PCDHA8: variants seen among roughly 807,000 people sequenced by gnomAD.
The protein encoded by PCDHA8 is protocadherin alpha-8.
A neutral mutation model predicts 61.8 loss-of-function variants in PCDHA8; 53 were observed. The ratio of observed to expected loss-of-function variants is 0.86; its 90% CI spans 0.69 to 1.08. The LOEUF (loss-of-function observed/expected upper bound fraction) is 1.08, where lower values mean the gene tolerates loss of function less well. Ranked by LOEUF, PCDHA8 falls within the 50% of genes least tolerant of loss-of-function variation. The probability of loss-of-function intolerance (pLI) is 0.00; values close to 1 mark genes in which losing one functional copy is unlikely to be tolerated. For missense variants in PCDHA8, 1,293 were observed against 1,245.0 expected (o/e 1.04, Z -0.58); for synonymous variants, 618 against 556.6 (o/e 1.11, Z -1.55).
chr5:140,929,927 G>A (rs2086481303), intron 1 of PCDHA8: 1 of 152,202 alleles, frequency 6.6e-6, no homozygotes, highest in Non-Finnish European at 1.5e-5. Flanking sequence ...ATAAAAAACA[G>A]TGTATTCTCT....
chr5:140,984,726 A>C (rs549219216), intron 3 of PCDHA8, among the ~76,000 whole-genome samples: 51 of 152,276 alleles, frequency 3.3e-4, no homozygotes, highest in Non-Finnish European at 5.0e-4. Flanking sequence ...AAAGATTAAG[A>C]TTATGATTTA....
chr5:140,950,254 T>C (rs1554219388), intron 1 of PCDHA8, among the ~76,000 whole-genome samples: 1 of 152,040 alleles, frequency 6.6e-6, no homozygotes. Context: ...CCTAAAGAGC[T>C]GAGTTTATCC....
At chr5:140,876,968 T>C (rs782613091) in intron 1 of PCDHA8, 1 of 1,608,986 alleles carries the variant, frequency 6.2e-7, no homozygotes, top group Non-Finnish European at 8.5e-7. Context: ...GAGCGGCGGG[T>C]GGGCGAGCAC....
intron 1 of PCDHA8, chr5:140,870,971 T>TG (rs782370379): frequency 3.7e-6 from 6 of 1,613,594 alleles, no homozygotes; most frequent in Non-Finnish European, 5.1e-6. Context: ...CCGTTCCGCG[T>TG]GGGGCTGTAC....
chr5:140,882,199 G>A, intron 1 of PCDHA8: 1 of 1,526,968 alleles, frequency 6.5e-7, no homozygotes, highest in Non-Finnish European at 8.8e-7. Context: ...TAAAAATTGG[G>A]CCTTGAGAGA....
chr5:140,906,893 GT>G (rs1191460812), intron 1 of PCDHA8, among the ~76,000 whole-genome samples: 7 of 152,170 alleles, frequency 4.6e-5, no homozygotes, highest in Admixed American at 6.5e-5. Context: ...TTCTTAGATT[GT>G]TGGTTTAAAG....
chr5:140,870,250 C>G (rs1562640720), intron 1 of PCDHA8: 1 of 1,614,092 alleles, frequency 6.2e-7, no homozygotes, highest in African/African-American at 1.3e-5. Flanking sequence ...TGTCAACGGA[C>G]AGGTGACCTG....
intron 1 of PCDHA8, chr5:140,863,472 T>C: frequency 2.0e-6 from 1 of 490,440 alleles, no homozygotes; most frequent in Non-Finnish European, 4.0e-6. Context: ...CTCTGGAGAG[T>C]CGCCTCCCAA....
chr5:140,981,944 G>A (rs893119825), intron 2 of PCDHA8, among the ~76,000 whole-genome samples: 2 of 152,174 alleles, frequency 1.3e-5, no homozygotes, highest in Non-Finnish European at 2.9e-5. Flanking sequence ...GAAATATAGG[G>A]TGGGTCATCT....
intron 1 of PCDHA8, chr5:140,877,704 C>A: frequency 6.2e-7 from 1 of 1,613,954 alleles, no homozygotes; most frequent in Non-Finnish European, 8.5e-7. Context: ...GCTCCAGCGC[C>A]GTGGGGAGTT....
At chr5:140,925,740 G>T (rs1008956010) in intron 1 of PCDHA8, among the ~76,000 whole-genome samples, 19 of 151,764 alleles carry the variant, frequency 1.3e-4, no homozygotes, top group African/African-American at 4.6e-4. Flanking sequence ...AATATTTACA[G>T]AAAGAAAATT....
rs371820170 is a variant in PCDHA8, at chr5:140,871,346, C to T, written c.2394+27631C>T. 1.1e-5 allele frequency: 17 copies of T among 1,614,104 alleles called. No homozygotes were observed. Among genetic ancestry groups the T allele is most frequent in the African/African-American group, 4.0e-5 (3 of 74,954 alleles). ...TGCTCCCGCGCGGTGGGGAGCTGGT[C>T]ATACTCGCAGCAGAGGCGGCAGAGG... is the stretch of plus-strand genomic sequence containing the variant. On this transcript the variant is annotated intron_variant, in intron 1 of 3. Transcript: ENST00000531613.
intron 1 of PCDHA8, among the ~76,000 whole-genome samples, chr5:140,891,792 G>A (rs2063250974): frequency 6.6e-6 from 1 of 152,152 alleles, no homozygotes; most frequent in Non-Finnish European, 1.5e-5. Flanking sequence ...TAGATTATGA[G>A]GGATCTGCCC....
chr5:140,881,443 G>T (rs1554172114), intron 1 of PCDHA8: 1 of 818,602 alleles, frequency 1.2e-6, no homozygotes, highest in Non-Finnish European at 1.5e-6. Flanking sequence ...TATAAAAACA[G>T]AATCCAAAAC....
At chr5:141,003,486 T>C (rs1563677160) in intron 3 of PCDHA8, among the ~76,000 whole-genome samples, 2 of 152,054 alleles carry the variant, frequency 1.3e-5, no homozygotes. Flanking sequence ...CTAATTTTTA[T>C]AGTTTTAGTA....
At chr5:140,874,008 T>C (rs2054633118) in intron 1 of PCDHA8, among the ~76,000 whole-genome samples, 5 of 152,208 alleles carry the variant, frequency 3.3e-5, no homozygotes. Context: ...CATTGACCAC[T>C]TTTGAAAATG....
chr5:140,960,293 T>C (rs990761387), intron 1 of PCDHA8, among the ~76,000 whole-genome samples: 5 of 152,174 alleles, frequency 3.3e-5, no homozygotes, highest in Non-Finnish European at 7.3e-5. Flanking sequence ...ACCCAGTTTC[T>C]TCATCAATAC....
intron 3 of PCDHA8, among the ~76,000 whole-genome samples, chr5:140,995,873 C>T (rs1554254864): frequency 6.6e-6 from 1 of 152,126 alleles, no homozygotes; most frequent in Non-Finnish European, 1.5e-5. Flanking sequence ...AATTGTGCAA[C>T]CTGTGCTTCA....
chr5:140,927,493 C>G, intron 1 of PCDHA8: 1 of 1,614,144 alleles, frequency 6.2e-7, no homozygotes. Flanking sequence ...CACCCACCTG[C>G]TGGTGCTTAC....
Sources: gnomAD v4.1 joint callset for allele counts (sites outside exome capture counted in the v4.1 genomes callset) on GRCh38, gnomAD v4.1.1 for gene constraint, MANE v1.5 for transcripts, NCBI Gene and HGNC (gene_info 2026-07-23, HGNC 2026-07-21) for gene names.